MYO9B: variants seen among roughly 807,000 people sequenced by gnomAD.
MYO9B encodes unconventional myosin-IXb.
A neutral mutation model predicts 229.5 loss-of-function variants in MYO9B; 71 were observed. The observed-to-expected ratio is 0.31, with a 90% CI of 0.26 to 0.38. The LOEUF is 0.38. Among genes scored for constraint, MYO9B ranks in the 10% least tolerant of loss-of-function variants. The pLI is 1.00. For missense variants in MYO9B, 2,255 were observed against 2,920.5 expected (o/e 0.77, Z 5.25); for synonymous variants, 1,185 against 1,235.8 (o/e 0.96, Z 0.86).
intron 38 of MYO9B, 148 bp from the exon 39 acceptor site, chr19:17,211,499 T>C: frequency 1.3e-6 from 1 of 784,054 alleles, no homozygotes; most frequent in Non-Finnish European, 2.0e-6. Flanking sequence ...GGGTTCAAAC[T>C]CCTGGGCTCA....
At chr19:17,176,831 C>T (rs537038507) in intron 14 of MYO9B, among the ~76,000 whole-genome samples, 2 of 152,250 alleles carry the variant, frequency 1.3e-5, no homozygotes, top group South Asian at 2.1e-4. Flanking sequence ...TGAGATGACA[C>T]GGGGTCTTTT....
intron 1 of MYO9B, among the ~76,000 whole-genome samples, chr19:17,083,716 G>A (rs1229244056): frequency 6.7e-6 from 1 of 149,428 alleles, no homozygotes; most frequent in East Asian, 2.0e-4. Context: ...GCACGGCCTC[G>A]GCTCACTGCA....
At chr19:17,174,959 ATTAAT>A (rs1292073694) in intron 13 of MYO9B, among the ~76,000 whole-genome samples, 3 of 150,860 alleles carry the variant, frequency 2.0e-5, no homozygotes, top group Non-Finnish European at 4.4e-5. Context: ...TAAATAATAA[ATTAAT>A]TAATTAATTA....
chr19:17,147,039 G>T (rs2145243333), intron 3 of MYO9B, among the ~76,000 whole-genome samples: 1 of 152,302 alleles, frequency 6.6e-6, no homozygotes, highest in Middle Eastern at 3.4e-3. Flanking sequence ...GTGGGTGAGT[G>T]GCCCTTGACA....
intron 14 of MYO9B, among the ~76,000 whole-genome samples, chr19:17,176,357 G>A (rs933562625): frequency 6.6e-6 from 1 of 152,040 alleles, no homozygotes; most frequent in Non-Finnish European, 1.5e-5. Context: ...TTTTAGTAGA[G>A]ACGGAGTTAC....
In MYO9B at chr19:17,117,418, G is replaced by A. The variant is rs574689480; in HGVS notation, c.840+14861G>A. ...CAGTCCCCTCGAGAACCCCATTCCCGGGAGTGCCCAGAGGCAGCTTGGCAT... is the reference window on the plus strand; with the variant it reads ...CAGTCCCCTCGAGAACCCCATTCCCAGGAGTGCCCAGAGGCAGCTTGGCAT... On this transcript the variant is annotated intron_variant, in intron 2 of 39. Coordinates refer to ENST00000682292, the MANE Select transcript of MYO9B (RefSeq NM_004145.4). Among the ~76,000 whole-genome samples the A allele has an allele frequency of 4.6e-5, 7 of 152,262 alleles. No homozygotes were observed. In the East Asian group the frequency reaches 7.7e-4, roughly 17 times the overall value.
Position 17,193,388 on chromosome 19 carries a change from C to CA in MYO9B, c.3128+327dup, listed in dbSNP as rs1367598382. ...GGGCTGCCTGGACCAGCCCAACACT[C>CA]ACATGGAGCTGGGGCATCCACCGGG... On this transcript the variant is annotated intron_variant, in intron 21 of 39. Coordinates refer to ENST00000682292, the MANE Select transcript of MYO9B (RefSeq NM_004145.4). The surrounding 1 kb of genome is among the most constrained non-coding windows in gnomAD (Gnocchi z 4.3). Among the ~76,000 whole-genome samples the CA allele has an allele frequency of 1.3e-5, 2 of 152,170 alleles. No homozygotes were observed. Among genetic ancestry groups the CA allele is most frequent in the African/African-American group, 4.8e-5 (2 of 41,452 alleles).
chr19:17,121,480 A>G (rs2145127932), intron 2 of MYO9B, among the ~76,000 whole-genome samples: 1 of 144,592 alleles, frequency 6.9e-6, no homozygotes, highest in Admixed American at 6.8e-5. Context: ...AGCTGCCGCC[A>G]CAGGATGACG....
At chr19:17,080,422 T>C (rs1232879780) in intron 1 of MYO9B, among the ~76,000 whole-genome samples, 2 of 152,194 alleles carry the variant, frequency 1.3e-5, no homozygotes, top group Non-Finnish European at 1.5e-5. Context: ...CCTCTCTCTG[T>C]TGGCTCATAC....
chr19:17,156,804 G>T, intron 6 of MYO9B, 105 bp from the exon 7 acceptor site: 1 of 1,356,860 alleles, frequency 7.4e-7, no homozygotes, highest in Non-Finnish European at 1.0e-6. Flanking sequence ...CATGCGTTCC[G>T]ACCAGAATTT....
intron 13 of MYO9B, among the ~76,000 whole-genome samples, chr19:17,174,048 T>G (rs544421550): frequency 5.1e-3 from 458 of 89,882 alleles, no homozygotes; most frequent in African/African-American, 0.024. Flanking sequence ...TTTTTTTTTT[T>G]GAGACGGAGT....
intron 2 of MYO9B, among the ~76,000 whole-genome samples, chr19:17,119,415 G>A (rs1377107681): frequency 6.6e-6 from 1 of 152,214 alleles, no homozygotes; most frequent in Non-Finnish European, 1.5e-5. Flanking sequence ...CTGAGGAAGA[G>A]CCAGGAATGA....
At chr19:17,190,244 A>T (rs2145438742) in intron 19 of MYO9B, among the ~76,000 whole-genome samples, 1 of 151,704 alleles carries the variant, frequency 6.6e-6, no homozygotes, top group Admixed American at 6.6e-5. Flanking sequence ...CCCAGGCTGG[A>T]GTACAGTGGT....
chr19:17,175,215 C>T (rs558956161), intron 13 of MYO9B, among the ~76,000 whole-genome samples: 2 of 148,892 alleles, frequency 1.3e-5, no homozygotes, highest in Non-Finnish European at 3.0e-5. Flanking sequence ...GGAGGTTACA[C>T]GAGCTGTGAT....
At chr19:17,197,451 C>CATAG (rs989693896) in intron 22 of MYO9B, among the ~76,000 whole-genome samples, 5 of 123,822 alleles carry the variant, frequency 4.0e-5, no homozygotes, top group African/African-American at 1.6e-4. Flanking sequence ...TAGATAGATA[C>CATAG]ATAGATAGAT....
rs371359736 is a variant in MYO9B, at chr19:17,162,346, A to G, written c.1420-4A>G. On this transcript the variant is annotated splice_region_variant and splice_polypyrimidine_tract_variant and intron_variant, in intron 8 of 39. Coordinates refer to ENST00000682292, the MANE Select transcript of MYO9B (RefSeq NM_004145.4). The stretch of plus-strand genomic sequence containing the variant: ...GAGGTGAGTCACCCCCTCTGTGTCC[A>G]CAGGCCATCACTGCCCGCGACTCCA... The G allele has an allele frequency of 1.5e-4, 240 of 1,564,466 alleles. No individual in the cohort carries two copies. The highest frequency in any genetic ancestry group is 6.6e-4 in the Middle Eastern group (4 of 6,016).
chr19:17,203,050 T>A (rs1203340399), intron 29 of MYO9B, 97 bp from the exon 30 acceptor site: 2 of 1,371,552 alleles, frequency 1.5e-6, no homozygotes, highest in East Asian at 2.5e-5. Context: ...TAGTCTTGAA[T>A]AAGTCACCCC....
At chr19:17,078,807 A>G (rs928941598) in intron 1 of MYO9B, among the ~76,000 whole-genome samples, 1 of 152,218 alleles carries the variant, frequency 6.6e-6, no homozygotes, top group Non-Finnish European at 1.5e-5. Context: ...CAGCTCTCTC[A>G]TTCTGCCAAC....
intron 1 of MYO9B, among the ~76,000 whole-genome samples, chr19:17,081,771 A>G (rs533803350): frequency 1.4e-5 from 2 of 146,824 alleles, no homozygotes; most frequent in South Asian, 4.4e-4. Context: ...ATCTTGTGCC[A>G]CTGCACTCCA....
Sources: gnomAD v4.1 joint callset for allele counts (sites outside exome capture counted in the v4.1 genomes callset) on GRCh38, gnomAD v4.1.1 for gene constraint, Gnocchi (gnomAD v3.1) non-coding constraint, MANE v1.5 for transcripts, NCBI Gene and HGNC (gene_info 2026-07-23, HGNC 2026-07-21) for gene names.